The following GNA14 variants were observed in gnomAD, a reference collection of about 807,000 sequenced individuals.
GNA14 encodes the protein guanine nucleotide-binding protein subunit alpha-14.
Under a neutral mutation model 42.0 loss-of-function variants are expected in GNA14, and 50 were observed. That is an observed-to-expected ratio of 1.19 (90% CI 0.95 to 1.51). GNA14 has a LOEUF of 1.51. Ranked by LOEUF, GNA14 falls within the 40% of genes most tolerant of loss-of-function variation. GNA14 has a pLI of 0.00. For synonymous variants in GNA14, 173 were observed against 163.1 expected (o/e 1.06, Z -0.46); for missense variants, 473 against 446.2 (o/e 1.06, Z -0.54).
Position 77,647,945 on chromosome 9 carries a change from C to T in GNA14, c.-152G>A, listed in dbSNP as rs754441712. 5.1e-5 allele frequency: 43 copies of T among 838,104 alleles called. No homozygotes were observed. Among genetic ancestry groups the T allele is most frequent in the African/African-American group, 7.1e-5 (4 of 56,214 alleles). The allele number at this position is 838,104 out of a possible 1,614,324, so 51.9% of individuals were successfully genotyped here. On this transcript the variant is annotated 5_prime_UTR_variant, in exon 1 of 7. Coordinates refer to ENST00000341700, the MANE Select transcript of GNA14 (RefSeq NM_004297.4). ...GAGCTTTGGAGTAAGACGCCTGGAC[C>T]TCCGAGGCTCAATCCCCCTTCGAAA...
chr9:77,603,524 G>T (rs1823599913), intron 1 of GNA14, among the ~76,000 whole-genome samples: 1 of 152,106 alleles, frequency 6.6e-6, no homozygotes, highest in South Asian at 2.1e-4. Flanking sequence ...TCATTTGCAG[G>T]AGTAGGTAGC....
chr9:77,614,519 T>TA (rs1823780016), intron 1 of GNA14, among the ~76,000 whole-genome samples: 1 of 152,202 alleles, frequency 6.6e-6, no homozygotes, highest in South Asian at 2.1e-4. Flanking sequence ...AACATGTACT[T>TA]AATTCTCCAA....
At chr9:77,632,215 G>A (rs1208163105) in intron 1 of GNA14, among the ~76,000 whole-genome samples, 1 of 152,198 alleles carries the variant, frequency 6.6e-6, no homozygotes, top group Non-Finnish European at 1.5e-5. Context: ...AAGCCAAGGG[G>A]GGCACTGAGG....
At chr9:77,445,030 G>A (rs544696971) in intron 2 of GNA14, among the ~76,000 whole-genome samples, 13 of 152,322 alleles carry the variant, frequency 8.5e-5, no homozygotes, top group South Asian at 6.2e-4. Flanking sequence ...AGCCCCACAC[G>A]AATGCTGAGC....
intron 2 of GNA14, among the ~76,000 whole-genome samples, chr9:77,476,776 C>A (rs1490648623): frequency 1.3e-5 from 2 of 152,164 alleles, no homozygotes. Context: ...TAGCACTTAA[C>A]AGGAGAGAAA....
At chr9:77,618,934 T>C (rs1427169254) in intron 1 of GNA14, among the ~76,000 whole-genome samples, 1 of 151,518 alleles carries the variant, frequency 6.6e-6, no homozygotes, top group Non-Finnish European at 1.5e-5. Flanking sequence ...CGCCCGGCCT[T>C]GAATATATTT....
chr9:77,555,059 T>A (rs533973279), intron 1 of GNA14, among the ~76,000 whole-genome samples: 35 of 152,226 alleles, frequency 2.3e-4, no homozygotes, highest in Admixed American at 2.2e-3. Context: ...AATATGCACA[T>A]TTTAGATTGG....
At chr9:77,570,647 A>C (rs1035342786) in intron 1 of GNA14, among the ~76,000 whole-genome samples, 1 of 152,032 alleles carries the variant, frequency 6.6e-6, no homozygotes, top group African/African-American at 2.4e-5. Flanking sequence ...CAGATTATAG[A>C]CATTTGGGTT....
intron 2 of GNA14, among the ~76,000 whole-genome samples, chr9:77,494,360 A>G (rs535406294): frequency 6.6e-6 from 1 of 152,306 alleles, no homozygotes; most frequent in Non-Finnish European, 1.5e-5. Flanking sequence ...ATTTTCACTT[A>G]ATGGTTATTA....
intron 2 of GNA14, among the ~76,000 whole-genome samples, chr9:77,473,194 T>C (rs1836361567): frequency 1.3e-5 from 2 of 152,224 alleles, no homozygotes; most frequent in South Asian, 2.1e-4. Flanking sequence ...CAATTGCTCA[T>C]GCCTGTAATC....
intron 1 of GNA14, among the ~76,000 whole-genome samples, chr9:77,555,980 C>T (rs1822775682): frequency 1.3e-5 from 2 of 152,180 alleles, no homozygotes; most frequent in Non-Finnish European, 2.9e-5. Context: ...CACAGTGGCT[C>T]ATGCCTGTAA....
intron 6 of GNA14, 103 bp from the exon 7 acceptor site, chr9:77,424,272 G>C (rs1835419544): frequency 1.4e-6 from 1 of 726,834 alleles, no homozygotes; most frequent in African/African-American, 1.8e-5. Context: ...GCCCAGGCTG[G>C]AGTGCAGTGG....
chr9:77,598,316 T>C (rs901484626), intron 1 of GNA14, among the ~76,000 whole-genome samples: 4 of 152,178 alleles, frequency 2.6e-5, no homozygotes, highest in African/African-American at 7.2e-5. Flanking sequence ...TATTTGTCAA[T>C]TGAATGAACA....
At chr9:77,466,470 T>C (rs559573537) in intron 2 of GNA14, among the ~76,000 whole-genome samples, 12 of 152,348 alleles carry the variant, frequency 7.9e-5, no homozygotes, top group African/African-American at 2.9e-4. Flanking sequence ...TTTTATAATT[T>C]CTATTTCTAT....
At position 77,647,663 on chromosome 9, in the gene GNA14, C is replaced by T; in HGVS notation, c.124+7G>A. ...GGCTCACTGGAGTCGGAGACGCAGC[C>T]ACTCACCCAGCAGCAGCAGCTTAAG... On this transcript the variant is annotated splice_region_variant and intron_variant, in intron 1 of 6. Coordinates refer to ENST00000341700, the MANE Select transcript of GNA14 (RefSeq NM_004297.4). The T allele has an allele frequency of 1.2e-6, 2 of 1,607,772 alleles. No homozygotes were observed. Among genetic ancestry groups the T allele is most frequent in the Non-Finnish European group, 1.7e-6 (2 of 1,177,574 alleles).
intron 1 of GNA14, among the ~76,000 whole-genome samples, chr9:77,613,748 A>C (rs1823767677): frequency 6.6e-6 from 1 of 152,220 alleles, no homozygotes; most frequent in South Asian, 2.1e-4. Flanking sequence ...TTCATGAGCT[A>C]ATCTTGTGGA....
At chr9:77,538,902 AT>A (rs1392412614) in intron 1 of GNA14, among the ~76,000 whole-genome samples, 2 of 152,212 alleles carry the variant, frequency 1.3e-5, no homozygotes, top group African/African-American at 4.8e-5. Context: ...GTCTAATAAA[AT>A]GTGTCTCCTT....
intron 2 of GNA14, among the ~76,000 whole-genome samples, chr9:77,448,378 G>A (rs753986996): frequency 1.7e-4 from 26 of 152,222 alleles, no homozygotes; most frequent in South Asian, 4.2e-4. Context: ...TTTTCAGGTC[G>A]GTGTTCGATA....
At chr9:77,538,637 C>A (rs1837624765) in intron 1 of GNA14, among the ~76,000 whole-genome samples, 1 of 151,964 alleles carries the variant, frequency 6.6e-6, no homozygotes, top group East Asian at 1.9e-4. Flanking sequence ...TTGCAGAGAT[C>A]TTTCACCTCA....
Sources: allele counts gnomAD v4.1 joint callset (sites outside exome capture counted in the v4.1 genomes callset), GRCh38; gene constraint gnomAD v4.1.1; transcripts MANE v1.5; gene names NCBI Gene and HGNC (gene_info 2026-07-23, HGNC 2026-07-21).